The following MPZ variants were observed in gnomAD, a reference collection of about 807,000 sequenced individuals.
MPZ encodes myelin protein P0.
Under a neutral mutation model 27.9 loss-of-function variants are expected in MPZ, and 13 were observed. That is an observed-to-expected ratio of 0.47 (90% CI 0.30 to 0.74). The LOEUF is 0.74. Among genes scored for constraint, MPZ ranks in the 30% least tolerant of loss-of-function variants. The pLI is 0.06. For synonymous variants in MPZ, 118 were observed against 128.9 expected, an observed-to-expected ratio of 0.92 and a Z score of 0.57; for missense variants, 256 against 317.5, an observed-to-expected ratio of 0.81 and a Z score of 1.47.
chr1:161,307,423 C>A lies in MPZ; in HGVS notation c.69G>T (p.Val23=), dbSNP rs1461029288. Residue 23 remains valine (V), a splice_region_variant and synonymous_variant, in exon 2 of 6, where the codon GTG becomes GTT. Coordinates refer to ENST00000533357, the MANE Select transcript of MPZ (RefSeq NM_000530.8). ...ILAVLLFSSL[V]LSPAQAIVVY... is the part of the protein sequence containing the mutation. ...CCACGATGGCCTGGGCCGGGGACAGCACTGCAAGCACAAAGTGGGGAATCA... is the reference window on the plus strand; with the variant it reads ...CCACGATGGCCTGGGCCGGGGACAGAACTGCAAGCACAAAGTGGGGAATCA... The A allele has an allele frequency of 6.2e-7, 1 of 1,614,094 alleles. No homozygotes were observed. The highest frequency in any genetic ancestry group is 1.7e-5 in the Admixed American group (1 of 60,032).
Position 161,305,853 on chromosome 1 carries a change from T to TCCCCC in MPZ, c.*18_*22dup. The TCCCCC allele has an allele frequency of 3.5e-6, 5 of 1,413,936 alleles. No individual in the cohort carries two copies. The highest frequency in any genetic ancestry group is 5.0e-6 in the Non-Finnish European group (5 of 1,008,902). 87.6% of individuals were successfully genotyped at this position (1,413,936 alleles called of 1,614,324 possible). On this transcript the variant is annotated 3_prime_UTR_variant, in exon 6 of 6. Coordinates refer to ENST00000533357, the MANE Select transcript of MPZ (RefSeq NM_000530.8). ...GGCGGACTCCACCCCTAACCCCCGA[T>TCCCCC]CCCCCGCCCGGCCCGCTAACCGCTA...
Position 161,305,863 on chromosome 1 carries a change from G to T in MPZ, c.*13C>A. On this transcript the variant is annotated 3_prime_UTR_variant, in exon 6 of 6. Transcript: ENST00000533357. ...ACCCCTAACCCCCGATCCCCCGCCC[G>T]GCCCGCTAACCGCTATTTCTTATCC... is the stretch of plus-strand genomic sequence containing the variant. 2.1e-6 allele frequency: 2 copies of T among 957,064 alleles called. No homozygotes were observed. The highest frequency in any genetic ancestry group is 3.1e-6 in the Non-Finnish European group (2 of 638,728). 59.3% of individuals were successfully genotyped at this position (957,064 alleles called of 1,614,324 possible). A position where few individuals can be genotyped will look rare whatever the true frequency, so the allele number is the denominator to read the frequency against.
At chr1:161,306,949 G>A (rs1199416329) in intron 2 of MPZ, 28 bp from the exon 3 acceptor site, 2 of 1,438,198 alleles carry the variant, frequency 1.4e-6, no homozygotes, top group Non-Finnish European at 9.5e-7. Flanking sequence ...AAGCATGTGA[G>A]AGGACCCTAA....
In MPZ at chr1:161,305,842, C is replaced by A. The variant is rs1201744954; in HGVS notation, c.*34G>T. The A allele has an allele frequency of 2.0e-6, 3 of 1,526,086 alleles. No homozygotes were observed. The East Asian group carries it at 6.7e-5, about 34-fold the overall frequency. The allele number at this position is 1,526,086 out of a possible 1,614,324, so 94.5% of individuals were successfully genotyped here. ...TTTGGGCCTTTGGCGGACTCCACCC[C>A]TAACCCCCGATCCCCCGCCCGGCCC... On this transcript the variant is annotated 3_prime_UTR_variant, in exon 6 of 6. Coordinates refer to ENST00000533357, the MANE Select transcript of MPZ (RefSeq NM_000530.8).
downstream of MPZ, among the ~76,000 whole-genome samples, chr1:161,303,821 T>A (rs1395468748): frequency 2.0e-5 from 3 of 152,222 alleles, no homozygotes; most frequent in African/African-American, 4.8e-5. Flanking sequence ...AAAGGCTATA[T>A]ATACTCTATT....
chr1:161,309,552 A>ATATATATATATATTTTTTTTTTTTTT, intron 1 of MPZ, among the ~76,000 whole-genome samples: 3 of 80,660 alleles, frequency 3.7e-5, no homozygotes, highest in African/African-American at 1.7e-4. Context: ...ATATATATAT[A>ATATATATATATATTTTTTTTTTTTTT]TTTTTTTTTT....
downstream of MPZ, among the ~76,000 whole-genome samples, chr1:161,304,361 G>A (rs1441576285): frequency 6.6e-6 from 1 of 152,206 alleles, no homozygotes; most frequent in Non-Finnish European, 1.5e-5. Flanking sequence ...AAGCAGGGCA[G>A]ATATCATTAT....
intron 1 of MPZ, among the ~76,000 whole-genome samples, chr1:161,309,545 T>C (rs962267285): frequency 8.5e-6 from 1 of 117,616 alleles, no homozygotes; most frequent in Non-Finnish European, 1.8e-5. Context: ...CATATATATA[T>C]ATATATATTT....
At chr1:161,307,043 C>T (rs989114951) in intron 2 of MPZ, 122 bp from the exon 3 acceptor site, 9 of 843,592 alleles carry the variant, frequency 1.1e-5, no homozygotes, top group South Asian at 4.8e-5. Flanking sequence ...AAAAAAGCTT[C>T]GCTCCAGCCT....
At position 161,305,516 on chromosome 1, in the gene MPZ, G is replaced by C. The variant is rs6682046; in HGVS notation, c.*360C>G. Reference sequence around the variant, plus strand: ...CTCCCAGAAAGCCAGGGGTGAAGGTGGGGGAGAATACAATTGCCTGGGGAA... The same window carrying C: ...CTCCCAGAAAGCCAGGGGTGAAGGTCGGGGAGAATACAATTGCCTGGGGAA... On this transcript the variant is annotated 3_prime_UTR_variant, in exon 6 of 6. Transcript: ENST00000533357. 1.7e-3 allele frequency: 469 copies of C among 277,242 alleles called. 3 individuals carry two copies. Among genetic ancestry groups the C allele is most frequent in the African/African-American group, 9.3e-3 (421 of 45,114 alleles). 17.2% of individuals were successfully genotyped at this position (277,242 alleles called of 1,614,324 possible). A position where few individuals can be genotyped will look rare whatever the true frequency, so the allele number is the denominator to read the frequency against.
At chr1:161,307,207 T>C in intron 2 of MPZ, 51 bp downstream of exon 2, 2 of 1,611,326 alleles carry the variant, frequency 1.2e-6, no homozygotes, top group Non-Finnish European at 1.7e-6. Context: ...TTTTTGTTGT[T>C]CTTTGAAGCA....
rs773724920 is a variant in MPZ, at chr1:161,307,277, C to A, written c.215G>T (p.Gly72Val). Residue 72 changes from glycine (G) to valine (V), a missense_variant, in exon 2 of 6, where the codon GGG becomes GTG. By Grantham distance (109) the Gly-to-Val change is moderately radical. Around this residue, in one of 2 missense-constraint regions of MPZ, gnomAD observed 155 missense variants for 223.9 expected, o/e 0.69. Coordinates refer to ENST00000533357, the MANE Select transcript of MPZ (RefSeq NM_000530.8). ...ACTCACCGAAATGGCATCTCTGCCCCCTTCGGGCTGGTAGCGCCAGGTGAA... is the reference window on the plus strand; with the variant it reads ...ACTCACCGAAATGGCATCTCTGCCCACTTCGGGCTGGTAGCGCCAGGTGAA... Reference protein sequence around the residue: ...ISFTWRYQPEGGRDAISIFHY... With the variant: ...ISFTWRYQPEVGRDAISIFHY... The A allele has an allele frequency of 6.2e-7, 1 of 1,614,256 alleles. No individual in the cohort carries two copies. Among genetic ancestry groups the A allele is most frequent in the Admixed American group, 1.7e-5 (1 of 60,024 alleles).
rs770546306 is a variant in MPZ, at chr1:161,307,402, G to A, written c.90C>T (p.Ile30=). 1.1e-5 allele frequency: 18 copies of A among 1,614,232 alleles called. No homozygotes were observed. The highest frequency in any genetic ancestry group is 3.3e-5 in the Admixed American group (2 of 60,030). The change falls in exon 2 of 6, where the codon ATC becomes ATT. Residue 30 remains isoleucine (I), a synonymous_variant. Coordinates refer to ENST00000533357, the MANE Select transcript of MPZ (RefSeq NM_000530.8). ...GGACCTCCCTGTCGGTGTAAACCAC[G>A]ATGGCCTGGGCCGGGGACAGCACTG... ...SSLVLSPAQA[I]VVYTDREVHG...
chr1:161,307,503 C>A, intron 1 of MPZ, 79 bp from the exon 2 acceptor site: 1 of 1,564,310 alleles, frequency 6.4e-7, no homozygotes, highest in Admixed American at 1.7e-5. Flanking sequence ...AGTAGGAAAT[C>A]AAGTGCTGAG....
chr1:161,306,255 A>G, intron 4 of MPZ, 74 bp downstream of exon 4: 1 of 1,611,690 alleles, frequency 6.2e-7, no homozygotes, highest in Non-Finnish European at 8.5e-7. Context: ...TGGCCCTCCC[A>G]CCCACTGGAG....
At chr1:161,309,225 C>G (rs1670333806) in intron 1 of MPZ, among the ~76,000 whole-genome samples, 1 of 152,216 alleles carries the variant, frequency 6.6e-6, no homozygotes, top group South Asian at 2.1e-4. Context: ...ATCTGAGGAG[C>G]TGAGACCACA....
chr1:161,303,998 G>T (rs1328224365), downstream of MPZ, among the ~76,000 whole-genome samples: 1 of 152,010 alleles, frequency 6.6e-6, no homozygotes, highest in East Asian at 1.9e-4. Context: ...GTTTTTTTGT[G>T]CCATCAGTAA....
intron 1 of MPZ, 30 bp from the exon 2 acceptor site, chr1:161,307,454 A>C (rs1558154793): frequency 6.2e-7 from 1 of 1,613,308 alleles, no homozygotes; most frequent in East Asian, 2.2e-5. Context: ...AATCAGATGC[A>C]CCTATGGGCC....
chr1:161,306,480 A>C lies in MPZ; in HGVS notation c.449-16T>G, dbSNP rs1490114734. ...CTAGTTGGCACTAGGAGGGGTGGGA[A>C]AAGAAGTGGGAGAATGAGCAGGGCC... On this transcript the variant is annotated splice_polypyrimidine_tract_variant and intron_variant, in intron 3 of 5. Coordinates refer to ENST00000533357, the MANE Select transcript of MPZ (RefSeq NM_000530.8). The C allele has an allele frequency of 3.7e-6, 6 of 1,614,072 alleles. No individual in the cohort carries two copies. The highest frequency in any genetic ancestry group is 5.1e-6 in the Non-Finnish European group (6 of 1,180,020).
Sources: allele counts gnomAD v4.1 joint callset (sites outside exome capture counted in the v4.1 genomes callset), GRCh38; gene constraint gnomAD v4.1.1; regional missense constraint gnomAD v4.1.1; transcripts MANE v1.5; gene names NCBI Gene and HGNC (gene_info 2026-07-23, HGNC 2026-07-21).